SLIT1: variants seen among roughly 807,000 people sequenced by gnomAD.
SLIT1 encodes slit homolog 1 protein.
In SLIT1, 66 loss-of-function variants were observed where a neutral mutation model predicts 186.1. The ratio of observed to expected loss-of-function variants is 0.35; its 90% CI spans 0.29 to 0.44. The LOEUF is 0.44. Among genes scored for constraint, SLIT1 ranks in the 20% least tolerant of loss-of-function variants. The pLI is 1.00. For missense variants in SLIT1, 1,638 were observed against 2,037.4 expected, an observed-to-expected ratio of 0.80 and a Z score of 3.77; for synonymous variants, 761 against 833.8, an observed-to-expected ratio of 0.91 and a Z score of 1.50.
At chr10:97,105,507 G>A (rs1336134295) in intron 4 of SLIT1, among the ~76,000 whole-genome samples, 2 of 152,190 alleles carry the variant, frequency 1.3e-5, no homozygotes, top group African/African-American at 4.8e-5. Flanking sequence ...GGCCTCCAGT[G>A]ACCGTGGTGT....
At chr10:97,164,957 C>T (rs1225908892) in intron 1 of SLIT1, 67 bp from the exon 2 acceptor site, 1 of 1,221,150 alleles carries the variant, frequency 8.2e-7, no homozygotes. Context: ...AGGGGCCCTG[C>T]TCCAGGTGCC....
chr10:97,166,280 C>G (rs1263874466), intron 1 of SLIT1, among the ~76,000 whole-genome samples: 1 of 151,686 alleles, frequency 6.6e-6, no homozygotes, highest in Admixed American at 6.6e-5. Context: ...TTTGGGAGGC[C>G]GAGGCGGGTG....
At chr10:97,028,593 A>C (rs549534622) in intron 25 of SLIT1, among the ~76,000 whole-genome samples, 12 of 152,220 alleles carry the variant, frequency 7.9e-5, no homozygotes, top group Admixed American at 7.2e-4. Flanking sequence ...CCAACTGGCC[A>C]ACTCCTAGTT....
chr10:97,054,592 C>A (rs372480060), intron 13 of SLIT1, among the ~76,000 whole-genome samples: 1 of 152,132 alleles, frequency 6.6e-6, no homozygotes, highest in South Asian at 2.1e-4. Flanking sequence ...TGCCTTCTGA[C>A]GGGAAGTCCA....
rs1158060372 is a variant in SLIT1, at chr10:97,057,367, C to T, written c.1086-86G>A. 1.4e-5 allele frequency: 15 copies of T among 1,051,666 alleles called. No homozygotes were observed. The East Asian group carries it at 3.1e-4, about 22-fold the overall frequency. 65.1% of individuals were successfully genotyped at this position (1,051,666 alleles called of 1,614,324 possible). On this transcript the variant is annotated intron_variant, in intron 11 of 36. Coordinates refer to ENST00000266058, the MANE Select transcript of SLIT1 (RefSeq NM_003061.3). Reference sequence around the variant, plus strand: ...TCTGCAGACGGCCCCAGCTCAACAGCGCTGCCCCTAAGCCATTTACATGGA... The same window carrying T: ...TCTGCAGACGGCCCCAGCTCAACAGTGCTGCCCCTAAGCCATTTACATGGA...
intron 30 of SLIT1, among the ~76,000 whole-genome samples, chr10:97,013,385 T>C (rs2134593827): frequency 6.6e-6 from 1 of 152,286 alleles, no homozygotes; most frequent in Admixed American, 6.5e-5. Context: ...CCTGGAGCAC[T>C]TAACAGATGC....
intron 5 of SLIT1, 50 bp downstream of exon 5, chr10:97,065,965 G>A (rs1426836890): frequency 7.4e-7 from 1 of 1,346,554 alleles, no homozygotes; most frequent in Non-Finnish European, 1.0e-6. Flanking sequence ...ATGCTGCCAG[G>A]AGTGGCCCTG....
rs576427435 is a variant in SLIT1, at chr10:97,082,521, G to A, written c.414-16435C>T. Among the ~76,000 whole-genome samples, 71 of 152,084 alleles carry A rather than the reference G, an allele frequency of 4.7e-4. 1 individual carries two copies. Among genetic ancestry groups the A allele is most frequent in the African/African-American group, 1.6e-3 (67 of 41,484 alleles). On this transcript the variant is annotated intron_variant, in intron 4 of 36. Coordinates refer to ENST00000266058, the MANE Select transcript of SLIT1 (RefSeq NM_003061.3). ...ATGATCTCGGCTCACTGGAAGCTCC[G>A]CCTTCTGGGTTCACGTCATTCTCCT...
intron 1 of SLIT1, among the ~76,000 whole-genome samples, chr10:97,176,547 C>T (rs1467532870): frequency 6.6e-6 from 1 of 152,178 alleles, no homozygotes; most frequent in Admixed American, 6.5e-5. Flanking sequence ...AACTTCCTTA[C>T]CACCTACTTG....
chr10:97,096,960 G>A (rs1159394024), intron 4 of SLIT1, among the ~76,000 whole-genome samples: 3 of 152,162 alleles, frequency 2.0e-5, no homozygotes, highest in Admixed American at 1.3e-4. Flanking sequence ...TCTGCCAAAC[G>A]TACAGCCTTC....
In SLIT1 at chr10:97,159,949, G is replaced by A. The variant is rs1319035261; in HGVS notation, c.342-2060C>T. Among the ~76,000 whole-genome samples, 7 of 152,304 alleles carry A rather than the reference G, an allele frequency of 4.6e-5. No individual in the cohort carries two copies. The East Asian group carries it at 1.2e-3, about 25-fold the overall frequency. On this transcript the variant is annotated intron_variant, in intron 3 of 36. Coordinates refer to ENST00000266058, the MANE Select transcript of SLIT1 (RefSeq NM_003061.3). ...GTTGAGTTGCTCATCTTTGAAAGAT[G>A]AGAGAATAGGGGTACCAAGAGGTAA...
intron 1 of SLIT1, among the ~76,000 whole-genome samples, chr10:97,170,598 C>A (rs1034734522): frequency 1.3e-5 from 2 of 152,206 alleles, no homozygotes; most frequent in Non-Finnish European, 2.9e-5. Flanking sequence ...AGCGCGTTCT[C>A]CCTCTTCCAA....
rs7086186 is a variant in SLIT1 at position 97,032,668 on chromosome 10, A to T, written c.2439-991T>A. Reference sequence around the variant, plus strand: ...CCACTGTCCCAAAATGCTTCCAAGTAACTGAATCCATCCAGGGCAGACAGG... The same window carrying T: ...CCACTGTCCCAAAATGCTTCCAAGTTACTGAATCCATCCAGGGCAGACAGG... On this transcript the variant is annotated intron_variant, in intron 23 of 36. Transcript: ENST00000266058. 5.3e-5 allele frequency among the ~76,000 whole-genome samples: 8 copies of T among 152,130 alleles called. No individual in the cohort carries two copies. The East Asian group carries it at 1.5e-3, about 29-fold the overall frequency.
intron 23 of SLIT1, among the ~76,000 whole-genome samples, chr10:97,032,766 A>G (rs1171682241): frequency 1.1e-4 from 17 of 152,136 alleles, no homozygotes; most frequent in Admixed American, 2.0e-4. Context: ...CAGCAGACGA[A>G]TGGATGAGCA....
chr10:97,049,234 C>T lies in SLIT1; in HGVS notation c.1302-116G>A, dbSNP rs925336258. The T allele has an allele frequency of 1.8e-5, 23 of 1,273,420 alleles. No individual in the cohort carries two copies. In the Middle Eastern group the frequency reaches 9.4e-4, roughly 52 times the overall value. 78.9% of individuals were successfully genotyped at this position (1,273,420 alleles called of 1,614,324 possible). A position where few individuals can be genotyped will look rare whatever the true frequency, so the allele number is the denominator to read the frequency against. ...CAAGGAGGCTGCCTGTGGCCTGGAG[C>T]CTAGGGTCAGCCACGGGGGGAAAGA... On this transcript the variant is annotated intron_variant, in intron 13 of 36. Transcript: ENST00000266058.
At chr10:97,067,427 C>A (rs545249928) in intron 4 of SLIT1, among the ~76,000 whole-genome samples, 9 of 152,340 alleles carry the variant, frequency 5.9e-5, no homozygotes, top group Non-Finnish European at 1.0e-4. Flanking sequence ...ACACTCCCCC[C>A]AGGCCAGCAC....
At chr10:97,177,875 C>T (rs1193542081) in intron 1 of SLIT1, among the ~76,000 whole-genome samples, 1 of 152,108 alleles carries the variant, frequency 6.6e-6, no homozygotes, top group African/African-American at 2.4e-5. Context: ...ACTCAGGAGG[C>T]TGAGGCAGGG....
intron 4 of SLIT1, among the ~76,000 whole-genome samples, chr10:97,125,151 A>G (rs1849593239): frequency 6.6e-6 from 1 of 152,222 alleles, no homozygotes; most frequent in Non-Finnish European, 1.5e-5. Flanking sequence ...CAACTAGGCA[A>G]TAGGCATCAT....
At chr10:97,001,445 G>T in intron 36 of SLIT1, 95 bp from the exon 37 acceptor site, 1 of 913,870 alleles carries the variant, frequency 1.1e-6, no homozygotes, top group Non-Finnish European at 1.7e-6. Flanking sequence ...GAGGAGGGCA[G>T]CATCTGTGGG....
Sources: allele counts gnomAD v4.1 joint callset (sites outside exome capture counted in the v4.1 genomes callset), GRCh38; gene constraint gnomAD v4.1.1; transcripts MANE v1.5; gene names NCBI Gene and HGNC (gene_info 2026-07-23, HGNC 2026-07-21).